MAN2A1: variants seen among roughly 807,000 people sequenced by gnomAD.
MAN2A1 encodes alpha-mannosidase 2.
MAN2A1 carries 76 observed loss-of-function variants against 142.6 expected under a neutral mutation model. The observed-to-expected ratio is 0.53, with a 90% confidence interval of 0.44 to 0.65. MAN2A1 has a LOEUF of 0.65. Among genes scored for constraint, MAN2A1 ranks in the 30% least tolerant of loss-of-function variants. The pLI is 0.00. For missense variants in MAN2A1, 1,311 were observed against 1,365.1 expected (o/e 0.96, Z 0.62); for synonymous variants, 559 against 473.2 (o/e 1.18, Z -2.35).
intron 10 of MAN2A1, 88 bp downstream of exon 10, chr5:109,785,014 A>G (rs920490331): frequency 1.1e-6 from 1 of 891,024 alleles, no homozygotes; most frequent in Non-Finnish European, 1.7e-6. Flanking sequence ...TTGTTAGTGT[A>G]TATCAAACCA....
intron 16 of MAN2A1, among the ~76,000 whole-genome samples, chr5:109,841,256 T>C (rs1473248061): frequency 6.6e-6 from 1 of 152,202 alleles, no homozygotes; most frequent in Non-Finnish European, 1.5e-5. Context: ...CTGAGCAGTA[T>C]ACACTGCACT....
chr5:109,719,933 T>C (rs1751555572), intron 3 of MAN2A1, among the ~76,000 whole-genome samples: 1 of 152,180 alleles, frequency 6.6e-6, no homozygotes, highest in Non-Finnish European at 1.5e-5. Context: ...AAAAGAATTG[T>C]GAAGTAAATG....
At chr5:109,801,238 G>T (rs1754022652) in intron 12 of MAN2A1, among the ~76,000 whole-genome samples, 1 of 152,142 alleles carries the variant, frequency 6.6e-6, no homozygotes. Flanking sequence ...TTAGCCTGTG[G>T]CTCTTGTTCT....
At chr5:109,850,090 C>T (rs549666605) in intron 19 of MAN2A1, among the ~76,000 whole-genome samples, 1 of 152,280 alleles carries the variant, frequency 6.6e-6, no homozygotes, top group Admixed American at 6.5e-5. Flanking sequence ...CACCTTCCTG[C>T]AAGTGTGCGA....
At position 109,810,079 on chromosome 5, in the gene MAN2A1, A is replaced by G. The variant is rs928604145; in HGVS notation, c.1944-7194A>G. 6.6e-5 allele frequency among the ~76,000 whole-genome samples: 10 copies of G among 152,104 alleles called. No individual in the cohort carries two copies. In the East Asian group the frequency reaches 9.6e-4, roughly 15 times the overall value. ...ATTATTTTGTAATGTGTTAATTTCT[A>G]TGGTAAAATTCTCTACCTTGTCCTC... is the stretch of plus-strand genomic sequence containing the variant. On this transcript the variant is annotated intron_variant, in intron 12 of 21. Transcript: ENST00000261483.
intron 4 of MAN2A1, among the ~76,000 whole-genome samples, chr5:109,737,286 T>A (rs12374566): frequency 0.14 from 22,003 of 151,830 alleles, 2,586 homozygotes; most frequent in East Asian, 0.64. Flanking sequence ...GAGACAGGGT[T>A]TCACCATGTT....
At chr5:109,799,574 G>T (rs1037482410) in intron 12 of MAN2A1, among the ~76,000 whole-genome samples, 1 of 151,916 alleles carries the variant, frequency 6.6e-6, no homozygotes, top group Non-Finnish European at 1.5e-5. Context: ...GACCAATATG[G>T]AGAAACCCCA....
Position 109,696,739 on chromosome 5 carries a change from T to C in MAN2A1, c.135+6187T>C, listed in dbSNP as rs540253803. On this transcript the variant is annotated intron_variant, in intron 1 of 21. Transcript: ENST00000261483. ...GGGAATCATCCCTGTTGAAACTGTG[T>C]TGGCTGTGGCCTCTTCTTTATACCC... Among the ~76,000 whole-genome samples the C allele has an allele frequency of 3.9e-5, 6 of 152,342 alleles. No individual in the cohort carries two copies. The East Asian group carries it at 1.2e-3, about 29-fold the overall frequency.
chr5:109,720,121 T>C (rs1349786155), intron 3 of MAN2A1, among the ~76,000 whole-genome samples: 1 of 152,282 alleles, frequency 6.6e-6, no homozygotes, highest in South Asian at 2.1e-4. Flanking sequence ...TGCTGAAATA[T>C]TTGGTTAATT....
At position 109,781,340 on chromosome 5, in the gene MAN2A1, G is replaced by T; in HGVS notation, c.1375-56G>T. On this transcript the variant is annotated intron_variant, in intron 8 of 21. Transcript: ENST00000261483. ...TTATTAACTTTCCCTAACAGTGTAA[G>T]AAGTAAATAATTTTAAGATAGAATG... 4 of 999,226 alleles carry T rather than the reference G, an allele frequency of 4.0e-6. No homozygotes were observed. The East Asian group carries it at 1.1e-4, about 27-fold the overall frequency. 61.9% of individuals were successfully genotyped at this position (999,226 alleles called of 1,614,324 possible).
rs1754570371 is a variant in MAN2A1, at chr5:109,819,711, T to C, written c.2152T>C (p.Tyr718His). The C allele has an allele frequency of 6.2e-7, 1 of 1,612,042 alleles. No homozygotes were observed. The highest frequency in any genetic ancestry group is 1.1e-5 in the South Asian group (1 of 90,678). ...TATACCGCCATTGGGACTGAAAGTG[T>C]ATAAGATTTTGGAATCAGCAAGTTC... ...AHIPPLGLKVYKILESASSNS... is the reference protein window; with the variant it reads ...AHIPPLGLKVHKILESASSNS... The change falls in exon 14 of 22, where the codon TAT becomes CAT. Residue 718 changes from tyrosine (Y) to histidine (H), a missense_variant. Coordinates refer to ENST00000261483, the MANE Select transcript of MAN2A1 (RefSeq NM_002372.4).
chr5:109,693,901 G>T, intron 1 of MAN2A1, among the ~76,000 whole-genome samples: 1 of 152,152 alleles, frequency 6.6e-6, no homozygotes, highest in East Asian at 1.9e-4. Flanking sequence ...GTGAATGAGA[G>T]GTTGGTCAGA....
chr5:109,831,587 T>G (rs1285818679), intron 16 of MAN2A1, among the ~76,000 whole-genome samples: 1 of 152,232 alleles, frequency 6.6e-6, no homozygotes, highest in East Asian at 1.9e-4. Flanking sequence ...ACATGGTGAC[T>G]TTTAAAAATA....
At chr5:109,811,573 CGTGTGT>C (rs70999943) in intron 12 of MAN2A1, among the ~76,000 whole-genome samples, 24,864 of 144,900 alleles carry the variant, frequency 0.17, 2,919 homozygotes, top group East Asian at 0.62. Context: ...TCCTAACAGC[CGTGTGT>C]GTGTGTGTGT....
intron 8 of MAN2A1, among the ~76,000 whole-genome samples, chr5:109,777,699 C>T (rs1255753028): frequency 6.6e-6 from 1 of 152,152 alleles, no homozygotes; most frequent in East Asian, 1.9e-4. Context: ...TTGCCTTCAA[C>T]ATTTAGGTCT....
At chr5:109,792,844 T>G (rs1308292307) in intron 12 of MAN2A1, among the ~76,000 whole-genome samples, 1 of 152,032 alleles carries the variant, frequency 6.6e-6, no homozygotes, top group African/African-American at 2.4e-5. Context: ...GGCCTCTCCA[T>G]ATGACTTGGG....
rs549359203 is a variant in MAN2A1, at chr5:109,833,079, G to A, written c.2566+9242G>A. Among the ~76,000 whole-genome samples, 43 of 150,858 alleles carry A rather than the reference G, an allele frequency of 2.9e-4. No individual in the cohort carries two copies. In the South Asian group the frequency reaches 2.9e-3, roughly 10 times the overall value. On this transcript the variant is annotated intron_variant, in intron 16 of 21. Coordinates refer to ENST00000261483, the MANE Select transcript of MAN2A1 (RefSeq NM_002372.4). ...CCCCACATCTCAGACGATGGGTGGC[G>A]GGGCAGAGGCGCTCCCCATATCTCA...
At chr5:109,859,481 C>T (rs1426986715) in intron 20 of MAN2A1, among the ~76,000 whole-genome samples, 1 of 152,180 alleles carries the variant, frequency 6.6e-6, no homozygotes, top group East Asian at 1.9e-4. Context: ...CCCATTCCAG[C>T]CACTATCTAC....
intron 12 of MAN2A1, among the ~76,000 whole-genome samples, chr5:109,807,849 A>G (rs1278847287): frequency 3.3e-5 from 5 of 152,198 alleles, no homozygotes; most frequent in Non-Finnish European, 5.9e-5. Flanking sequence ...AAATGGATCT[A>G]TCTGTCTTCA....
Sources: allele counts gnomAD v4.1 joint callset (sites outside exome capture counted in the v4.1 genomes callset), GRCh38; gene constraint gnomAD v4.1.1; transcripts MANE v1.5; gene names NCBI Gene and HGNC (gene_info 2026-07-23, HGNC 2026-07-21).